The following PCAT6 variants were observed in gnomAD, a reference collection of about 807,000 sequenced individuals.
PCAT6 encodes the protein prostate cancer associated transcript 6.
exon 1 of PCAT6, chr1:202,811,481 G>C (rs1458275916): frequency 2.5e-6 from 1 of 398,394 alleles, no homozygotes; most frequent in East Asian, 3.6e-5. Flanking sequence ...CTGGGATGAG[G>C]GGGGCAGACC....
At chr1:202,811,655 C>T (rs1658554847) in exon 1 of PCAT6, 2 of 367,658 alleles carry the variant, frequency 5.4e-6, no homozygotes, top group Non-Finnish European at 9.7e-6. Context: ...CACCCTTCCC[C>T]TCCCAACCCG....
exon 1 of PCAT6, chr1:202,811,629 C>T (rs1658553229): frequency 5.2e-6 from 2 of 383,398 alleles, no homozygotes; most frequent in South Asian, 1.5e-4. Context: ...CTCTGCCTTG[C>T]TCGTGCTTCT....
exon 1 of PCAT6, chr1:202,811,127 C>T: frequency 2.5e-6 from 1 of 393,746 alleles, no homozygotes; most frequent in Non-Finnish European, 4.5e-6. Flanking sequence ...TCCAGGAACC[C>T]CCTCCTTACT....
chr1:202,811,485 G>T (rs926985526), exon 1 of PCAT6: 1 of 398,194 alleles, frequency 2.5e-6, no homozygotes, highest in Non-Finnish European at 4.4e-6. Context: ...GATGAGGGGG[G>T]CAGACCGGGC....
chr1:202,811,445 C>T (rs1309814037), exon 1 of PCAT6: 5 of 398,544 alleles, frequency 1.3e-5, no homozygotes, highest in Non-Finnish European at 2.2e-5. Flanking sequence ...CCCCTGGGCG[C>T]CGTGCAACTG....
At chr1:202,811,139 T>C (rs910657615) in exon 1 of PCAT6, 8 of 394,964 alleles carry the variant, frequency 2.0e-5, no homozygotes, top group African/African-American at 1.0e-4. Context: ...CTCCTTACTC[T>C]TGGACAACAC....
At chr1:202,811,598 C>G in exon 1 of PCAT6, 1 of 387,204 alleles carries the variant, frequency 2.6e-6, no homozygotes, top group Non-Finnish European at 4.6e-6. Context: ...CGTGAGCCTC[C>G]CTTCCGCCCT....
exon 1 of PCAT6, chr1:202,811,200 G>A (rs1571474634): frequency 5.1e-6 from 2 of 396,030 alleles, no homozygotes; most frequent in East Asian, 3.6e-5. Flanking sequence ...TTTGTGCAGC[G>A]CCAGATCCTT....
At chr1:202,811,106 A>C (rs1658539592) in exon 1 of PCAT6, 4 of 386,612 alleles carry the variant, frequency 1.0e-5, no homozygotes, top group African/African-American at 2.1e-5. Flanking sequence ...CCCCGCTCCG[A>C]GTGCCACGTC....
At chr1:202,811,077 C>A (rs1275837131) in exon 1 of PCAT6, 2 of 370,398 alleles carry the variant, frequency 5.4e-6, no homozygotes, top group Non-Finnish European at 9.6e-6. Flanking sequence ...GCAGCCCAGG[C>A]GGCCGGAGCG....
exon 1 of PCAT6, chr1:202,811,698 C>T (rs1658555700): frequency 6.3e-6 from 2 of 318,712 alleles, no homozygotes; most frequent in African/African-American, 2.1e-5. Context: ...GTCTCCAGTG[C>T]ACCGGCTTTC....
At position 202,811,835 on chromosome 1, in the gene PCAT6, C is replaced by A. The variant is rs139257336; in HGVS notation, n.953C>A. The A allele has an allele frequency of 1.3e-3, 215 of 163,870 alleles. 2 individuals are homozygous for A. Among genetic ancestry groups the A allele is most frequent in the African/African-American group, 3.5e-3 (149 of 42,064 alleles). The allele number at this position is 163,870 out of a possible 1,614,324, so 10.2% of individuals were successfully genotyped here. A position where few individuals can be genotyped will look rare whatever the true frequency, so the allele number is the denominator to read the frequency against. ...CCCCTGTGAAACCCACAAACGCTTGCGATTTGGCCTCCTTGTTTTATTTTG... is the reference window on the plus strand; with the variant it reads ...CCCCTGTGAAACCCACAAACGCTTGAGATTTGGCCTCCTTGTTTTATTTTG... On this transcript the variant is annotated non_coding_transcript_exon_variant, in exon 1 of 1. Transcript: ENST00000686658.
At chr1:202,811,207 C>T (rs909110487) in exon 1 of PCAT6, 3 of 398,082 alleles carry the variant, frequency 7.5e-6, no homozygotes, top group African/African-American at 2.1e-5. Context: ...AGCGCCAGAT[C>T]CTTCGGACAC....
chr1:202,811,326 T>C (rs1421013074), exon 1 of PCAT6: 1 of 398,644 alleles, frequency 2.5e-6, no homozygotes, highest in Non-Finnish European at 4.4e-6. Context: ...CCTTCGCCCC[T>C]AGATACACCC....
exon 1 of PCAT6, chr1:202,811,356 C>T (rs561813088): frequency 5.0e-6 from 2 of 398,738 alleles, no homozygotes; most frequent in South Asian, 1.3e-4. Context: ...TGAGGCGCTC[C>T]TCGCGTTCCT....
Position 202,811,334 on chromosome 1 carries a change from C to G in PCAT6, n.452C>G, listed in dbSNP as rs76449900. On this transcript the variant is annotated non_coding_transcript_exon_variant, in exon 1 of 1. Transcript: ENST00000686658. The stretch of plus-strand genomic sequence containing the variant: ...TCTGCAGCCTTCGCCCCTAGATACA[C>G]CCGCCTGGTGATGAGGCGCTCCTCG... The G allele has an allele frequency of 1.0e-3, 407 of 398,784 alleles. 2 individuals are homozygous for G. Among genetic ancestry groups the G allele is most frequent in the African/African-American group, 7.6e-3 (373 of 48,778 alleles). The allele number at this position is 398,784 out of a possible 1,614,324, so 24.7% of individuals were successfully genotyped here.
At chr1:202,811,000 G>C (rs1002393268) in exon 1 of PCAT6, 2 of 253,830 alleles carry the variant, frequency 7.9e-6, no homozygotes, top group Non-Finnish European at 1.5e-5. Flanking sequence ...CGGGGCCGGA[G>C]CTCCCAGAGG....
At chr1:202,811,192 T>A (rs1658542522) in exon 1 of PCAT6, 2 of 397,850 alleles carry the variant, frequency 5.0e-6, no homozygotes, top group Non-Finnish European at 8.9e-6. Flanking sequence ...CGCCCTCATT[T>A]GTGCAGCGCC....
At chr1:202,811,678 G>T in exon 1 of PCAT6, 1 of 344,386 alleles carries the variant, frequency 2.9e-6, no homozygotes, top group Non-Finnish European at 5.2e-6. Context: ...GGATCCTCTC[G>T]TCTCCCCCAG....
Sources: gnomAD v4.1 joint callset for allele counts on GRCh38, gnomAD v4.1.1 for gene constraint, MANE v1.5 for transcripts, NCBI Gene and HGNC (gene_info 2026-07-23, HGNC 2026-07-21) for gene names.